Variants in MYRFL observed in about 807,000 individuals in gnomAD.
The protein encoded by MYRFL is myelin regulatory factor like.
Under a neutral mutation model 109.4 loss-of-function variants are expected in MYRFL, and 88 were observed. That is an observed-to-expected ratio of 0.80 (90% CI 0.68 to 0.96). The LOEUF (loss-of-function observed/expected upper bound fraction) is 0.96. MYRFL is among the 40% of genes least tolerant of loss of function. The probability of loss-of-function intolerance (pLI) is 0.00; values close to 1 mark genes in which losing one functional copy is unlikely to be tolerated. For missense variants in MYRFL, 957 were observed against 954.9 expected (o/e 1.00, Z -0.03); for synonymous variants, 324 against 320.9 (o/e 1.01, Z -0.10).
At chr12:69,894,217 T>C (rs1887087556) in intron 8 of MYRFL, among the ~76,000 whole-genome samples, 1 of 152,106 alleles carries the variant, frequency 6.6e-6, no homozygotes, top group East Asian at 1.9e-4. Flanking sequence ...AGGCTGGTCT[T>C]GAATTCCTGA....
chr12:69,938,132 A>G (rs1420484365), intron 19 of MYRFL, among the ~76,000 whole-genome samples: 1 of 152,212 alleles, frequency 6.6e-6, no homozygotes, highest in Non-Finnish European at 1.5e-5. Context: ...CATTTTAAAG[A>G]AAGGAATTCA....
At chr12:69,913,749 T>A (rs1229817114) in intron 13 of MYRFL, among the ~76,000 whole-genome samples, 1 of 152,226 alleles carries the variant, frequency 6.6e-6, no homozygotes, top group African/African-American at 2.4e-5. Flanking sequence ...GGCTTTGTTC[T>A]TGTTTGGGGG....
intron 2 of MYRFL, among the ~76,000 whole-genome samples, chr12:69,875,050 G>A (rs1372451792): frequency 1.3e-5 from 2 of 150,966 alleles, no homozygotes; most frequent in Non-Finnish European, 3.0e-5. Context: ...CCACATCAGA[G>A]TGAAGTATAT....
In MYRFL at chr12:69,935,991, C is replaced by A. The variant is rs573073705; in HGVS notation, c.1917-122C>A. 78 of 1,203,280 alleles carry A rather than the reference C, an allele frequency of 6.5e-5. No individual in the cohort carries two copies. In the East Asian group the frequency reaches 7.9e-4, roughly 12 times the overall value. 74.5% of individuals were successfully genotyped at this position (1,203,280 alleles called of 1,614,324 possible). ...TGTCAGCCGTGGCCATCCCCTCCCC[C>A]CTGCTCCCATCTGTGTGGCCTGTGA... On this transcript the variant is annotated intron_variant, in intron 16 of 24. Coordinates refer to ENST00000552032, the MANE Select transcript of MYRFL (RefSeq NM_182530.3).
intron 10 of MYRFL, among the ~76,000 whole-genome samples, chr12:69,901,901 TAA>T (rs375732026): frequency 0.24 from 33,741 of 140,354 alleles, 3,118 homozygotes; most frequent in Non-Finnish European, 0.27. Context: ...TTGTTTTTTT[TAA>T]ATTTTCTTGA....
chr12:69,825,269 A>G lies in MYRFL; in HGVS notation c.-249A>G. On this transcript the variant is annotated 5_prime_UTR_variant, in exon 1 of 25. Transcript: ENST00000552032. ...TTATATTAAGACAGATGAATTTGCT[A>G]CCTCTTCCCTCTTCATGAATTTTTT... 1.5e-6 allele frequency: 1 copy of G among 658,274 alleles called. No individual in the cohort carries two copies. 40.8% of individuals were successfully genotyped at this position (658,274 alleles called of 1,614,324 possible).
chr12:69,879,051 C>A lies in MYRFL; in HGVS notation c.161C>A (p.Pro54Gln), dbSNP rs1385567767. 1 of 702,858 alleles carries A rather than the reference C, an allele frequency of 1.4e-6. No homozygotes were observed. Among genetic ancestry groups the A allele is most frequent in the African/African-American group, 1.7e-5 (1 of 57,264 alleles). The allele number at this position is 702,858 out of a possible 1,614,324, so 43.5% of individuals were successfully genotyped here. The change falls in exon 3 of 25, where the codon CCG (proline) becomes CAG (glutamine). Residue 54 changes from proline to glutamine, a missense_variant. Physicochemically the swap from Pro to Gln is moderately conservative, Grantham distance 76 (BLOSUM62 -1). Coordinates refer to ENST00000552032, the MANE Select transcript of MYRFL (RefSeq NM_182530.3). ...GALQRQLPDT[P>Q]PYSASDSCSP... The stretch of plus-strand genomic sequence containing the variant: ...AGGCAACGCCAGCTCCCAGACACCC[C>A]GCCCTATTCTGCATCCGACTCATGC...
At chr12:69,930,064 A>G (rs1955221663) in intron 15 of MYRFL, among the ~76,000 whole-genome samples, 1 of 152,192 alleles carries the variant, frequency 6.6e-6, no homozygotes, top group Non-Finnish European at 1.5e-5. Context: ...TGACCTGCTA[A>G]CAGATCTGAG....
intron 14 of MYRFL, among the ~76,000 whole-genome samples, 199 bp downstream of exon 14, chr12:69,926,933 G>GTTT (rs1491453128): frequency 6.4e-5 from 2 of 31,394 alleles, no homozygotes; most frequent in Non-Finnish European, 5.0e-5. Context: ...TCTGTTGCTG[G>GTTT]TTTTTTTTTT....
chr12:69,894,924 T>C (rs929246662), intron 8 of MYRFL, among the ~76,000 whole-genome samples: 17 of 152,210 alleles, frequency 1.1e-4, no homozygotes, highest in African/African-American at 3.9e-4. Context: ...GGCCTTCCTT[T>C]GGAGGAAGCT....
At chr12:69,907,916 T>C (rs1262070144) in intron 11 of MYRFL, among the ~76,000 whole-genome samples, 2 of 152,202 alleles carry the variant, frequency 1.3e-5, no homozygotes, top group Non-Finnish European at 2.9e-5. Context: ...CACAGGGCTA[T>C]ATGAGATTGT....
chr12:69,949,961 G>A (rs1955935916), intron 19 of MYRFL, among the ~76,000 whole-genome samples: 1 of 152,096 alleles, frequency 6.6e-6, no homozygotes, highest in Non-Finnish European at 1.5e-5. Flanking sequence ...CTTTTGTAAG[G>A]CACTCAGAAC....
intron 1 of MYRFL, among the ~76,000 whole-genome samples, chr12:69,851,650 A>C (rs1883880892): frequency 6.6e-6 from 1 of 152,214 alleles, no homozygotes; most frequent in Non-Finnish European, 1.5e-5. Context: ...AGAAGGACAT[A>C]ATATCACTTA....
chr12:69,923,399 T>G (rs966550338), intron 13 of MYRFL, among the ~76,000 whole-genome samples: 4 of 152,188 alleles, frequency 2.6e-5, no homozygotes, highest in Non-Finnish European at 5.9e-5. Flanking sequence ...TCCTTTTTAG[T>G]TAATGTAGCT....
intron 13 of MYRFL, among the ~76,000 whole-genome samples, chr12:69,919,093 T>C (rs1954829943): frequency 6.6e-6 from 1 of 152,162 alleles, no homozygotes; most frequent in Admixed American, 6.5e-5. Flanking sequence ...CTCAGGTGAG[T>C]GTCTAGCATA....
chr12:69,926,775 A>C (rs968115004), intron 14 of MYRFL, 41 bp downstream of exon 14: 1 of 1,370,192 alleles, frequency 7.3e-7, no homozygotes, highest in Admixed American at 2.9e-5. Flanking sequence ...TGGGGAAAGG[A>C]GAGAGTGAGC....
intron 8 of MYRFL, among the ~76,000 whole-genome samples, chr12:69,894,047 A>G (rs571947247): frequency 4.3e-5 from 5 of 115,784 alleles, no homozygotes; most frequent in Admixed American, 3.6e-4. Flanking sequence ...CCCAGGTTGG[A>G]GTGCAGTGGC....
At chr12:69,891,609 T>TTCTTTCTTTCTTTCTTTC (rs1566002050) in intron 7 of MYRFL, among the ~76,000 whole-genome samples, 6 of 105,650 alleles carry the variant, frequency 5.7e-5, no homozygotes, top group African/African-American at 1.9e-4. Flanking sequence ...TTCTTTCTCT[T>TTCTTTCTTTCTTTCTTTC]TCTTTCTTTC....
rs1885272521 is a variant in MYRFL, at chr12:69,870,217, C to T, written c.138-8811C>T. ...TCTGCCTCCTGGGTTCAAGCAAGCA[C>T]GTCTGGCTAATTTTTTTTTTTTTTT... is the stretch of plus-strand genomic sequence containing the variant. On this transcript the variant is annotated intron_variant, in intron 2 of 24. Coordinates refer to ENST00000552032, the MANE Select transcript of MYRFL (RefSeq NM_182530.3). Among the ~76,000 whole-genome samples the T allele has an allele frequency of 4.0e-5, 5 of 124,848 alleles. No individual in the cohort carries two copies. In the South Asian group the frequency reaches 8.2e-4, roughly 21 times the overall value. The allele number at this position is 124,848 out of a possible 152,430, so 81.9% of individuals were successfully genotyped here.
Sources: gnomAD v4.1 joint callset for allele counts (sites outside exome capture counted in the v4.1 genomes callset) on GRCh38, gnomAD v4.1.1 for gene constraint, MANE v1.5 for transcripts, NCBI Gene and HGNC (gene_info 2026-07-23, HGNC 2026-07-21) for gene names.